NCOR2: variants seen among roughly 807,000 people sequenced by gnomAD.
The protein encoded by NCOR2 is CTG repeat protein 26.
A neutral mutation model predicts 262.9 loss-of-function variants in NCOR2; 81 were observed. The observed-to-expected ratio is 0.31, with a 90% CI of 0.26 to 0.37. The LOEUF (loss-of-function observed/expected upper bound fraction) is 0.37, where lower values mean the gene tolerates loss of function less well. Among genes scored for constraint, NCOR2 ranks in the 10% least tolerant of loss-of-function variants. NCOR2 has a pLI of 1.00. For synonymous variants in NCOR2, 1,659 were observed against 1,559.3 expected (o/e 1.06, Z -1.51); for missense variants, 3,385 against 3,621.4 (o/e 0.93, Z 1.68).
intron 4 of NCOR2, among the ~76,000 whole-genome samples, chr12:124,466,990 T>C (rs2046451599): frequency 1.7e-5 from 2 of 119,130 alleles, no homozygotes; most frequent in African/African-American, 3.3e-5. Flanking sequence ...ATCCTCATCC[T>C]CATCACCCCC....
intron 9 of NCOR2, 76 bp downstream of exon 11, chr12:124,430,539 A>C (rs2043853307): frequency 6.6e-7 from 1 of 1,513,432 alleles, no homozygotes; most frequent in Non-Finnish European, 8.8e-7. Context: ...CTTCCTGGCC[A>C]GGCCATCTCT....
rs182638003 is a variant in NCOR2 at position 124,344,657 on chromosome 12, C to T, written c.4654G>A (p.Gly1552Ser). 1.0e-4 allele frequency: 155 copies of T among 1,486,478 alleles called. 2 individuals are homozygous for T. Among genetic ancestry groups the T allele is most frequent in the African/African-American group, 8.7e-4 (62 of 71,456 alleles). 92.1% of individuals were successfully genotyped at this position (1,486,478 alleles called of 1,614,324 possible). ...ACGGGCGAACCTCGTGGGAGGTGGCCGGCAAAGGGTGCCCCGTGGTCCTCA... is the reference window on the plus strand; with the variant it reads ...ACGGGCGAACCTCGTGGGAGGTGGCTGGCAAAGGGTGCCCCGTGGTCCTCA... The change falls in exon 32 of 47, where the codon GGC becomes AGC. Residue 1552 changes from glycine to serine, a missense_variant. Physicochemically the swap from Gly to Ser is moderately conservative, Grantham distance 56. This residue lies in a region of NCOR2 where 1,615 missense variants were observed against 1,626.9 expected (regional missense o/e 0.99). Transcript: ENST00000405201.
At chr12:124,340,880 C>A in intron 34 of NCOR2, 129 bp from the exon 37 acceptor site, 4 of 886,718 alleles carry the variant, frequency 4.5e-6, no homozygotes, top group Non-Finnish European at 6.0e-6. Flanking sequence ...GGCAGGCACT[C>A]CCTCCTCGGC....
intron 3 of NCOR2, among the ~76,000 whole-genome samples, chr12:124,478,317 A>G (rs920895122): frequency 1.3e-5 from 2 of 152,188 alleles, no homozygotes; most frequent in African/African-American, 4.8e-5. Flanking sequence ...TTTATATTTG[A>G]TAGGGGCTGT....
intron 25 of NCOR2, 120 bp downstream of exon 27, chr12:124,354,717 G>A: frequency 1.6e-6 from 2 of 1,280,956 alleles, no homozygotes; most frequent in Non-Finnish European, 1.1e-6. Context: ...TGCTGAGGGG[G>A]GACCTCCCAG....
intron 37 of NCOR2, among the ~76,000 whole-genome samples, 170 bp downstream of exon 39, chr12:124,339,836 C>T (rs771524555): frequency 2.7e-5 from 4 of 148,992 alleles, no homozygotes; most frequent in Admixed American, 6.7e-5. Flanking sequence ...CCACCTAACC[C>T]GACCACCCAC....
intron 5 of NCOR2, among the ~76,000 whole-genome samples, chr12:124,461,917 C>A (rs1172845797): frequency 6.6e-6 from 1 of 152,198 alleles, no homozygotes; most frequent in Non-Finnish European, 1.5e-5. Flanking sequence ...GCACAGATAA[C>A]CACAGGCCCC....
At chr12:124,330,217 C>A (rs2035065571) in intron 44 of NCOR2, among the ~76,000 whole-genome samples, 1 of 152,258 alleles carries the variant, frequency 6.6e-6, no homozygotes, top group Non-Finnish European at 1.5e-5. Flanking sequence ...CCTGCCCATG[C>A]AGAGTGACCC....
chr12:124,469,565 C>T (rs1038779381), intron 4 of NCOR2, among the ~76,000 whole-genome samples: 1 of 152,140 alleles, frequency 6.6e-6, no homozygotes, highest in Non-Finnish European at 1.5e-5. Flanking sequence ...CTACAGAGAC[C>T]CAGCTAAGAG....
intron 22 of NCOR2, among the ~76,000 whole-genome samples, chr12:124,357,951 ATG>A (rs1426735913): frequency 2.3e-5 from 3 of 128,906 alleles, no homozygotes; most frequent in African/African-American, 6.3e-5. Flanking sequence ...GAGTGCATGG[ATG>A]TGTGTGTGCA....
rs2044941285 is a variant in NCOR2, at chr12:124,443,282, G to A, written c.816-5286C>T. Among the ~76,000 whole-genome samples, 1 of 152,134 alleles carries A rather than the reference G, an allele frequency of 6.6e-6. No individual in the cohort carries two copies. The highest frequency in any genetic ancestry group is 6.5e-5 in the Admixed American group (1 of 15,272). On this transcript the variant is annotated intron_variant, in intron 7 of 46. Transcript: ENST00000405201. This position sits in a 1 kb window ranked among gnomAD's most constrained non-coding sequence, Gnocchi z 4.4. ...ATGCAGCCGTCTGTTTGCCACCGAT[G>A]GGCAGCAACTGAGGGTGTGAATCCA...
chr12:124,494,719 C>A (rs916855097), intron 1 of NCOR2, among the ~76,000 whole-genome samples: 13 of 152,188 alleles, frequency 8.5e-5, no homozygotes, highest in Non-Finnish European at 1.6e-4. Flanking sequence ...ACACACGGAA[C>A]GGGAGGACAG....
At chr12:124,459,898 C>A (rs544911395) in intron 5 of NCOR2, among the ~76,000 whole-genome samples, 24 of 152,284 alleles carry the variant, frequency 1.6e-4, no homozygotes. Context: ...CTGTCCCCTG[C>A]ACACTGAAAG....
At chr12:124,509,576 G>T (rs1399670685) in intron 1 of NCOR2, among the ~76,000 whole-genome samples, 1 of 152,154 alleles carries the variant, frequency 6.6e-6, no homozygotes, top group East Asian at 1.9e-4. Flanking sequence ...CCACCCGCTA[G>T]GTCCCTTATC....
At chr12:124,335,799 G>A in intron 38 of NCOR2, 167 bp from the exon 41 acceptor site, 3 of 691,822 alleles carry the variant, frequency 4.3e-6, no homozygotes, top group Non-Finnish European at 7.1e-6. Context: ...GGGGTGTTGG[G>A]GAGAGACAGG....
chr12:124,551,876 A>G (rs1256618674), intron 1 of NCOR2, among the ~76,000 whole-genome samples: 2 of 152,218 alleles, frequency 1.3e-5, no homozygotes, highest in Non-Finnish European at 2.9e-5. Flanking sequence ...CCCCTTGGGA[A>G]AGGCCGCGGC....
intron 11 of NCOR2, among the ~76,000 whole-genome samples, chr12:124,425,657 C>T (rs139774545): frequency 6.6e-6 from 1 of 152,302 alleles, no homozygotes; most frequent in Non-Finnish European, 1.5e-5. Flanking sequence ...CAGATTCTCA[C>T]TGTGGGGTTT....
chr12:124,559,315 G>A (rs900605916), intron 1 of NCOR2, among the ~76,000 whole-genome samples: 1 of 152,158 alleles, frequency 6.6e-6, no homozygotes, highest in African/African-American at 2.4e-5. Flanking sequence ...AAACAATCCC[G>A]AGGTCTCCGG....
At chr12:124,325,392 C>A in exon 47 of NCOR2, 1 of 1,152,268 alleles carries the variant, frequency 8.7e-7, no homozygotes, top group South Asian at 3.3e-5. Flanking sequence ...CCCCCCCGCC[C>A]TGTTCTGAGT....
Sources: allele counts gnomAD v4.1 joint callset (sites outside exome capture counted in the v4.1 genomes callset), GRCh38; gene constraint gnomAD v4.1.1; regional missense constraint gnomAD v4.1.1; non-coding constraint Gnocchi (gnomAD v3.1); transcripts MANE v1.5; gene names NCBI Gene and HGNC (gene_info 2026-07-23, HGNC 2026-07-21).